Variants in MFHAS1 observed in about 807,000 individuals in gnomAD.
MFHAS1 encodes malignant fibrous histiocytoma-amplified sequence 1.
A neutral mutation model predicts 70.4 loss-of-function variants in MFHAS1; 50 were observed. The ratio of observed to expected loss-of-function variants is 0.71; its 90% CI spans 0.57 to 0.90. The LOEUF is 0.90. MFHAS1 is among the 40% of genes least tolerant of loss of function. The probability of loss-of-function intolerance (pLI) is 0.00; values close to 1 mark genes in which losing one functional copy is unlikely to be tolerated. For missense variants in MFHAS1, 1,795 were observed against 1,347.6 expected (o/e 1.33, Z -5.20); for synonymous variants, 952 against 620.0 (o/e 1.54, Z -7.96).
intron 1 of MFHAS1, among the ~76,000 whole-genome samples, chr8:8,819,617 A>C (rs1585033376): frequency 1.3e-5 from 2 of 151,682 alleles, no homozygotes; most frequent in African/African-American, 2.4e-5. Flanking sequence ...ACAAAAAAAA[A>C]AAAAAAAAAG....
chr8:8,862,914 C>G (rs891245372), intron 1 of MFHAS1, among the ~76,000 whole-genome samples: 2 of 152,184 alleles, frequency 1.3e-5, no homozygotes, highest in Non-Finnish European at 2.9e-5. Context: ...CAGTAAAAAT[C>G]TTTGCCCGTC....
intron 1 of MFHAS1, among the ~76,000 whole-genome samples, chr8:8,820,692 G>A (rs895061051): frequency 6.6e-6 from 1 of 152,068 alleles, no homozygotes; most frequent in Non-Finnish European, 1.5e-5. Context: ...CTCTCACTTG[G>A]GGCTGGCTCC....
At chr8:8,853,435 T>G (rs1808317879) in intron 1 of MFHAS1, among the ~76,000 whole-genome samples, 3 of 138,646 alleles carry the variant, frequency 2.2e-5, no homozygotes, top group Admixed American at 1.6e-4. Flanking sequence ...TTAGTTAACC[T>G]GGACAATCGC....
At chr8:8,832,456 G>A (rs4840366) in intron 1 of MFHAS1, among the ~76,000 whole-genome samples, 1 of 148,614 alleles carries the variant, frequency 6.7e-6, no homozygotes, top group Non-Finnish European at 1.5e-5. Context: ...CACACACACA[G>A]AGCCAGTAAC....
intron 1 of MFHAS1, among the ~76,000 whole-genome samples, chr8:8,818,978 T>C (rs530933411): frequency 1.3e-5 from 2 of 152,268 alleles, no homozygotes; most frequent in South Asian, 4.1e-4. Flanking sequence ...TATACTAACA[T>C]GTGTCAAAGA....
chr8:8,824,584 C>G (rs1807087895), intron 1 of MFHAS1, among the ~76,000 whole-genome samples: 1 of 150,842 alleles, frequency 6.6e-6, no homozygotes, highest in Non-Finnish European at 1.5e-5. Flanking sequence ...TCTGCTCCAT[C>G]AGAAGAAGAA....
intron 1 of MFHAS1, among the ~76,000 whole-genome samples, chr8:8,850,752 G>T (rs142258969): frequency 6.7e-6 from 1 of 148,952 alleles, no homozygotes; most frequent in Admixed American, 6.8e-5. Context: ...TTGAATCCAG[G>T]AGGCGAAGGT....
chr8:8,855,746 C>A (rs1020630293), intron 1 of MFHAS1, among the ~76,000 whole-genome samples: 1 of 152,234 alleles, frequency 6.6e-6, no homozygotes, highest in South Asian at 2.1e-4. Context: ...ATCCCAGCTA[C>A]TTGGGAGGCT....
chr8:8,793,359 AAGAC>A (rs1469388688), intron 2 of MFHAS1, among the ~76,000 whole-genome samples: 4 of 152,248 alleles, frequency 2.6e-5, no homozygotes, highest in Non-Finnish European at 5.9e-5. Context: ...CCATTAGTCA[AAGAC>A]AGGCAGTTAA....
At chr8:8,843,447 G>A (rs1315084085) in intron 1 of MFHAS1, among the ~76,000 whole-genome samples, 2 of 152,172 alleles carry the variant, frequency 1.3e-5, no homozygotes, top group Non-Finnish European at 2.9e-5. Context: ...CAGATACGGT[G>A]TTGTGCACCT....
At chr8:8,797,309 T>G (rs1805938909) in intron 2 of MFHAS1, 56 bp downstream of exon 2, 9 of 1,600,294 alleles carry the variant, frequency 5.6e-6, no homozygotes, top group Non-Finnish European at 7.7e-6. Flanking sequence ...TGGTCATATC[T>G]ATGGAGCTGG....
chr8:8,789,961 C>G (rs746121946), intron 2 of MFHAS1, among the ~76,000 whole-genome samples: 3 of 152,110 alleles, frequency 2.0e-5, no homozygotes, highest in African/African-American at 7.2e-5. Flanking sequence ...TGCCCCCAGT[C>G]CCTCCCTTTC....
chr8:8,811,311 A>ATTT (rs1563184279), intron 1 of MFHAS1, among the ~76,000 whole-genome samples: 3 of 136,484 alleles, frequency 2.2e-5, no homozygotes, highest in Non-Finnish European at 4.5e-5. Context: ...CCAGAATAAA[A>ATTT]ATTTTTTTTT....
chr8:8,884,039 CAA>C (rs1809646929), intron 1 of MFHAS1, among the ~76,000 whole-genome samples: 3 of 102,790 alleles, frequency 2.9e-5, no homozygotes, highest in Non-Finnish European at 5.9e-5. Flanking sequence ...CTCTATTTCA[CAA>C]ACACACACAC....
At position 8,892,825 on chromosome 8, in the gene MFHAS1, T is replaced by G. The variant is rs2116958978; in HGVS notation, c.234A>C (p.Val78=). Residue 78 remains valine (V), a synonymous_variant, in exon 1 of 3, where the codon GTA becomes GTC. Transcript: ENST00000276282. The surrounding 1 kb of genome is among the most constrained non-coding windows in gnomAD (Gnocchi z 4.7). Reference sequence around the variant, plus strand: ...CCAGCGCCGACCCCAGCCCCTCGGGTACCTCCTCCAGGCCGTTGTTCCCCA... The same window carrying G: ...CCAGCGCCGACCCCAGCCCCTCGGGGACCTCCTCCAGGCCGTTGTTCCCCA... ...LNLGNNGLEE[V]PEGLGSALGS... is the part of the protein sequence containing the mutation. 6.3e-7 allele frequency: 1 copy of G among 1,592,086 alleles called. No individual in the cohort carries two copies. The highest frequency in any genetic ancestry group is 2.3e-5 in the East Asian group (1 of 43,724).
chr8:8,789,186 G>A (rs1429118507), intron 2 of MFHAS1, among the ~76,000 whole-genome samples: 1 of 152,128 alleles, frequency 6.6e-6, no homozygotes, highest in African/African-American at 2.4e-5. Flanking sequence ...TGAAGATGTG[G>A]GTCAAATTCA....
At chr8:8,838,799 G>A (rs1208832770) in intron 1 of MFHAS1, among the ~76,000 whole-genome samples, 5 of 138,054 alleles carry the variant, frequency 3.6e-5, no homozygotes, top group Middle Eastern at 3.6e-3. Context: ...GCAACAGGGC[G>A]AGACCCTGCC....
rs149162230 is a variant in MFHAS1, at chr8:8,847,165, G to A, written c.2998+42896C>T. 9.5e-4 allele frequency among the ~76,000 whole-genome samples: 145 copies of A among 152,194 alleles called. No individual in the cohort carries two copies. In the East Asian group the frequency reaches 0.024, roughly 25 times the overall value. ...GAGACACAGGTACTTGTGTATACTCGCTAGTTAGAAATATTTTTTGTTTTT... is the reference window on the plus strand; with the variant it reads ...GAGACACAGGTACTTGTGTATACTCACTAGTTAGAAATATTTTTTGTTTTT... On this transcript the variant is annotated intron_variant, in intron 1 of 2. Transcript: ENST00000276282.
chr8:8,815,616 A>G (rs1166885460), intron 1 of MFHAS1, among the ~76,000 whole-genome samples: 1 of 152,200 alleles, frequency 6.6e-6, no homozygotes, highest in East Asian at 1.9e-4. Flanking sequence ...TCTAATGACC[A>G]GTGATGTTGA....
Sources: allele counts gnomAD v4.1 joint callset (sites outside exome capture counted in the v4.1 genomes callset), GRCh38; gene constraint gnomAD v4.1.1; non-coding constraint Gnocchi (gnomAD v3.1); transcripts MANE v1.5; gene names NCBI Gene and HGNC (gene_info 2026-07-23, HGNC 2026-07-21).